DEPTOR: variants seen among roughly 807,000 people sequenced by gnomAD.
DEPTOR encodes the protein DEP domain containing MTOR interacting protein, also known as DEP domain-containing mTOR-interacting protein.
A neutral mutation model predicts 41.6 loss-of-function variants in DEPTOR; 41 were observed. The observed-to-expected ratio is 0.98, with a 90% CI of 0.77 to 1.28. The LOEUF (loss-of-function observed/expected upper bound fraction) is 1.28. Among genes scored for constraint, DEPTOR ranks in the 50% most tolerant of loss-of-function variants. DEPTOR has a pLI of 0.00. For missense variants in DEPTOR, 514 were observed against 527.9 expected (o/e 0.97, Z 0.26); for synonymous variants, 195 against 192.3 (o/e 1.01, Z -0.12).
rs777967444 is a variant in DEPTOR at position 120,049,683 on chromosome 8, C to A, written c.1209C>A (p.Val403=). The A allele has an allele frequency of 4.3e-6, 7 of 1,613,758 alleles. No individual in the cohort carries two copies. The Admixed American group carries it at 8.3e-5, about 19-fold the overall frequency. The change falls in exon 9 of 9, where the codon GTC becomes GTA. Residue 403 remains valine (V), a synonymous_variant. Coordinates refer to ENST00000286234, the MANE Select transcript of DEPTOR (RefSeq NM_022783.4). ...GCCCACGGACGATTGTCATGGAAGT[C>A]ATGGAGGAGTTAGAGTGCTGAGCTC... is the stretch of plus-strand genomic sequence containing the variant. ...LTGPRTIVME[V]MEELEC
At chr8:119,918,700 C>T (rs1211280562) in intron 1 of DEPTOR, among the ~76,000 whole-genome samples, 3 of 152,058 alleles carry the variant, frequency 2.0e-5, no homozygotes, top group East Asian at 1.9e-4. Context: ...ACCTTGTGAT[C>T]GGCCCTCCTT....
chr8:120,035,884 C>G (rs1261984845), intron 8 of DEPTOR, among the ~76,000 whole-genome samples: 6 of 152,292 alleles, frequency 3.9e-5, no homozygotes, highest in African/African-American at 1.4e-4. Context: ...AGAGAGAATG[C>G]TGTCTGTCCT....
intron 1 of DEPTOR, among the ~76,000 whole-genome samples, chr8:119,895,966 C>G (rs1277164987): frequency 6.6e-6 from 1 of 152,042 alleles, no homozygotes; most frequent in Non-Finnish European, 1.5e-5. Flanking sequence ...ACCTCTTACT[C>G]TTTTTAATTG....
At chr8:119,971,230 CAAAAAA>C (rs36009381) in intron 4 of DEPTOR, among the ~76,000 whole-genome samples, 1 of 109,544 alleles carries the variant, frequency 9.1e-6, no homozygotes, top group Non-Finnish European at 1.9e-5. Flanking sequence ...GACTCCGTCT[CAAAAAA>C]AAAAAAAAAA....
At chr8:119,928,951 T>A (rs775112254) in intron 2 of DEPTOR, among the ~76,000 whole-genome samples, 9 of 152,352 alleles carry the variant, frequency 5.9e-5, no homozygotes, top group African/African-American at 2.2e-4. Context: ...CTTTAAGGAA[T>A]GCATCATATT....
chr8:119,950,720 G>C (rs1293638205), intron 3 of DEPTOR, among the ~76,000 whole-genome samples: 1 of 151,972 alleles, frequency 6.6e-6, no homozygotes, highest in Non-Finnish European at 1.5e-5. Context: ...TCAACCTCCC[G>C]AGTAGCTGGG....
chr8:119,974,418 C>T (rs1028161786), intron 4 of DEPTOR, among the ~76,000 whole-genome samples: 7 of 151,976 alleles, frequency 4.6e-5, no homozygotes, highest in Non-Finnish European at 8.8e-5. Context: ...AATATGTATG[C>T]CCTCTGTAAA....
intron 8 of DEPTOR, among the ~76,000 whole-genome samples, chr8:120,030,497 G>GTTT (rs1171655489): frequency 0.012 from 560 of 46,104 alleles, 90 homozygotes; most frequent in Middle Eastern, 0.025. Context: ...AGGTTCATCA[G>GTTT]TTTTTTTTTT....
chr8:119,999,085 G>GT (rs1427312214), intron 4 of DEPTOR, among the ~76,000 whole-genome samples: 1 of 151,990 alleles, frequency 6.6e-6, no homozygotes, highest in African/African-American at 2.4e-5. Flanking sequence ...CCAACATGGA[G>GT]AAACCCCGTC....
chr8:119,888,387 A>G (rs1392013126), intron 1 of DEPTOR, among the ~76,000 whole-genome samples: 3 of 152,158 alleles, frequency 2.0e-5, no homozygotes, highest in African/African-American at 7.2e-5. Context: ...GACTTGGCAG[A>G]AGTGTCGAAA....
At chr8:119,949,403 G>A (rs1022356880) in intron 3 of DEPTOR, among the ~76,000 whole-genome samples, 5 of 152,084 alleles carry the variant, frequency 3.3e-5, no homozygotes, top group African/African-American at 1.2e-4. Context: ...GTAGAATGGC[G>A]GGATCATACA....
intron 1 of DEPTOR, among the ~76,000 whole-genome samples, chr8:119,923,687 C>G (rs1827926687): frequency 6.6e-6 from 1 of 151,726 alleles, no homozygotes; most frequent in Non-Finnish European, 1.5e-5. Flanking sequence ...AGATCTATAT[C>G]TCCCTCTTCA....
At chr8:119,918,127 G>A (rs28449953) in intron 1 of DEPTOR, among the ~76,000 whole-genome samples, 7,558 of 152,144 alleles carry the variant, frequency 0.05, 292 homozygotes, top group South Asian at 0.17. Context: ...TGGATCCTCT[G>A]TGTGCTGAAC....
At chr8:119,880,232 A>C (rs983255489) in intron 1 of DEPTOR, among the ~76,000 whole-genome samples, 7 of 152,154 alleles carry the variant, frequency 4.6e-5, no homozygotes, top group African/African-American at 1.7e-4. Context: ...CAATGGTAGC[A>C]ATTATAATAA....
At chr8:120,003,916 G>A (rs1812393982) in intron 6 of DEPTOR, among the ~76,000 whole-genome samples, 1 of 152,168 alleles carries the variant, frequency 6.6e-6, no homozygotes, top group African/African-American at 2.4e-5. Flanking sequence ...TTGCCAGGAT[G>A]AGGATGTGTG....
At chr8:119,875,435 C>T (rs1827219091) in intron 1 of DEPTOR, among the ~76,000 whole-genome samples, 1 of 152,122 alleles carries the variant, frequency 6.6e-6, no homozygotes, top group African/African-American at 2.4e-5. Context: ...GACCTGATAT[C>T]CCTTGGAGAA....
chr8:119,919,502 G>GA (rs1189691119), intron 1 of DEPTOR, among the ~76,000 whole-genome samples: 29 of 152,224 alleles, frequency 1.9e-4, no homozygotes, highest in African/African-American at 6.0e-4. Context: ...ATCTGAATTA[G>GA]AAAATAAGTT....
At chr8:119,918,691 C>T (rs2129813223) in intron 1 of DEPTOR, among the ~76,000 whole-genome samples, 1 of 152,214 alleles carries the variant, frequency 6.6e-6, no homozygotes, top group Admixed American at 6.5e-5. Flanking sequence ...GATCTCTTGA[C>T]CTTGTGATCG....
chr8:119,998,227 T>C (rs2130070974), intron 4 of DEPTOR, among the ~76,000 whole-genome samples: 2 of 152,234 alleles, frequency 1.3e-5, no homozygotes, highest in Admixed American at 1.3e-4. Context: ...TAGTTGGGAC[T>C]AAAGACATGC....
Sources: allele counts gnomAD v4.1 joint callset (sites outside exome capture counted in the v4.1 genomes callset), GRCh38; gene constraint gnomAD v4.1.1; transcripts MANE v1.5; gene names NCBI Gene and HGNC (gene_info 2026-07-23, HGNC 2026-07-21).